The following CDC42EP4 variants were observed in gnomAD, a reference collection of about 807,000 sequenced individuals.
CDC42EP4 encodes CDC42 effector protein 4.
CDC42EP4 carries 6 observed loss-of-function variants against 5.6 expected under a neutral mutation model. The observed-to-expected ratio is 1.07, with a 90% CI of 0.59 to 2.12. The LOEUF (loss-of-function observed/expected upper bound fraction) is 2.12, where lower values mean the gene tolerates loss of function less well. Ranked by LOEUF, CDC42EP4 falls within the 30% of genes most tolerant of loss-of-function variation. The pLI is 0.00. For synonymous variants in CDC42EP4, 230 were observed against 224.2 expected (o/e 1.03, Z -0.23); for missense variants, 490 against 508.6 (o/e 0.96, Z 0.35).
chr17:73,295,043 C>G (rs986396985), intron 1 of CDC42EP4, among the ~76,000 whole-genome samples: 3 of 152,116 alleles, frequency 2.0e-5, no homozygotes, highest in African/African-American at 7.2e-5. Context: ...AACTCCTGAC[C>G]TCAGGGGATC....
chr17:73,305,791 CAT>C (rs2062241873), intron 1 of CDC42EP4, among the ~76,000 whole-genome samples: 1 of 152,242 alleles, frequency 6.6e-6, no homozygotes. Flanking sequence ...TCGCAAACTT[CAT>C]AGAGAACAGC....
chr17:73,307,757 TCTC>T (rs1406531777), intron 1 of CDC42EP4, among the ~76,000 whole-genome samples: 3 of 111,938 alleles, frequency 2.7e-5, no homozygotes, highest in Admixed American at 2.0e-4. Flanking sequence ...CCTGAATTTC[TCTC>T]TTTTTTTTTT....
chr17:73,286,574 C>T lies in CDC42EP4; in HGVS notation c.-74G>A. On this transcript the variant is annotated 5_prime_UTR_variant, in exon 2 of 2. Coordinates refer to ENST00000335793, the MANE Select transcript of CDC42EP4 (RefSeq NM_012121.5). This position sits in a 1 kb window ranked among gnomAD's most constrained non-coding sequence, Gnocchi z 7.7. Reference sequence around the variant, plus strand: ...CTGGGGTCAGATCTGAAGTCCAAGTCCAGTGGGCAGAGGGGGACGCAATGA... The same window carrying T: ...CTGGGGTCAGATCTGAAGTCCAAGTTCAGTGGGCAGAGGGGGACGCAATGA... 8.8e-7 allele frequency: 1 copy of T among 1,133,814 alleles called. No homozygotes were observed. Among genetic ancestry groups the T allele is most frequent in the Non-Finnish European group, 1.2e-6 (1 of 806,728 alleles). 70.2% of individuals were successfully genotyped at this position (1,133,814 alleles called of 1,614,324 possible). A position where few individuals can be genotyped will look rare whatever the true frequency, so the allele number is the denominator to read the frequency against.
At chr17:73,309,489 G>T (rs1231749067) in intron 1 of CDC42EP4, among the ~76,000 whole-genome samples, 1 of 152,120 alleles carries the variant, frequency 6.6e-6, no homozygotes, top group Non-Finnish European at 1.5e-5. Flanking sequence ...CTGGTTCTGT[G>T]AGGTGCTGTC....
In CDC42EP4 at chr17:73,285,284, C is replaced by T; in HGVS notation, c.*146G>A. 1.6e-6 allele frequency: 1 copy of T among 640,958 alleles called. No homozygotes were observed. The highest frequency in any genetic ancestry group is 2.5e-5 in the South Asian group (1 of 40,600). The allele number at this position is 640,958 out of a possible 1,614,324, so 39.7% of individuals were successfully genotyped here. A position where few individuals can be genotyped will look rare whatever the true frequency, so the allele number is the denominator to read the frequency against. Reference sequence around the variant, plus strand: ...TCCTCCGAAGACCCGAGGGCCAGGCCAGTGTCCCTCATCTACAAGGTCCAG... The same window carrying T: ...TCCTCCGAAGACCCGAGGGCCAGGCTAGTGTCCCTCATCTACAAGGTCCAG... On this transcript the variant is annotated 3_prime_UTR_variant, in exon 2 of 2. Transcript: ENST00000335793. The surrounding 1 kb of genome is among the most constrained non-coding windows in gnomAD (Gnocchi z 6.8).
chr17:73,304,751 A>G (rs2062236669), intron 1 of CDC42EP4, among the ~76,000 whole-genome samples: 1 of 152,168 alleles, frequency 6.6e-6, no homozygotes, highest in Non-Finnish European at 1.5e-5. Flanking sequence ...GCATGAGTAC[A>G]CACAGGATAC....
At chr17:73,300,666 G>A (rs2062214280) in intron 1 of CDC42EP4, among the ~76,000 whole-genome samples, 1 of 152,126 alleles carries the variant, frequency 6.6e-6, no homozygotes, top group African/African-American at 2.4e-5. Context: ...TACACTACAA[G>A]CCCAGACTTC....
At chr17:73,288,636 C>T (rs2062145517) in intron 1 of CDC42EP4, among the ~76,000 whole-genome samples, 1 of 152,002 alleles carries the variant, frequency 6.6e-6, no homozygotes, top group Admixed American at 6.6e-5. Context: ...CATGGTCCGC[C>T]TCCAACCGCC....
chr17:73,289,188 C>CT (rs1354555413), intron 1 of CDC42EP4, among the ~76,000 whole-genome samples: 1 of 152,172 alleles, frequency 6.6e-6, no homozygotes, highest in East Asian at 1.9e-4. Context: ...AGCTACTCAA[C>CT]TGTCTTCTTA....
At chr17:73,300,226 C>G (rs1400096827) in intron 1 of CDC42EP4, among the ~76,000 whole-genome samples, 1 of 152,174 alleles carries the variant, frequency 6.6e-6, no homozygotes, top group Non-Finnish European at 1.5e-5. Context: ...TGAACATCCT[C>G]TACTTTGATG....
At chr17:73,290,059 G>A (rs1397186702) in intron 1 of CDC42EP4, among the ~76,000 whole-genome samples, 4 of 152,184 alleles carry the variant, frequency 2.6e-5, no homozygotes, top group Non-Finnish European at 2.9e-5. Flanking sequence ...AGTCAGGAAC[G>A]GAGGGGACCC....
intron 1 of CDC42EP4, among the ~76,000 whole-genome samples, chr17:73,300,725 A>G (rs995943460): frequency 4.6e-5 from 7 of 152,172 alleles, no homozygotes; most frequent in Admixed American, 2.6e-4. Context: ...CACTCCTTAT[A>G]TTTATACACA....
intron 1 of CDC42EP4, among the ~76,000 whole-genome samples, chr17:73,306,427 G>A (rs2145328528): frequency 6.6e-6 from 1 of 152,194 alleles, no homozygotes; most frequent in South Asian, 2.1e-4. Context: ...TTGAGCCCAG[G>A]AGTTTGAGGC....
chr17:73,302,393 C>A (rs556299224), intron 1 of CDC42EP4, among the ~76,000 whole-genome samples: 72 of 152,334 alleles, frequency 4.7e-4, no homozygotes, highest in African/African-American at 1.7e-3. Flanking sequence ...ATATCCTAAA[C>A]CTCCGGCATC....
intron 1 of CDC42EP4, among the ~76,000 whole-genome samples, chr17:73,294,653 G>A (rs1344644629): frequency 6.6e-6 from 1 of 151,896 alleles, no homozygotes; most frequent in Non-Finnish European, 1.5e-5. Flanking sequence ...ATACATATAT[G>A]TGTATATATC....
At chr17:73,294,965 C>A (rs1193112358) in intron 1 of CDC42EP4, among the ~76,000 whole-genome samples, 1 of 149,938 alleles carries the variant, frequency 6.7e-6, no homozygotes, top group Non-Finnish European at 1.5e-5. Flanking sequence ...CCTGCTACCA[C>A]ACCCGGCTAA....
chr17:73,303,038 C>T (rs1315149432), intron 1 of CDC42EP4, among the ~76,000 whole-genome samples: 1 of 64,104 alleles, frequency 1.6e-5, no homozygotes, highest in Admixed American at 2.1e-4. Context: ...CATCAGACTC[C>T]GTCTCAAAAA....
intron 1 of CDC42EP4, among the ~76,000 whole-genome samples, chr17:73,305,722 T>A (rs1034200296): frequency 2.6e-5 from 4 of 152,290 alleles, no homozygotes; most frequent in African/African-American, 9.6e-5. Context: ...TGAGCACAGT[T>A]CCATGTGTGC....
At chr17:73,299,680 A>G (rs1425435762) in intron 1 of CDC42EP4, among the ~76,000 whole-genome samples, 1 of 152,028 alleles carries the variant, frequency 6.6e-6, no homozygotes, top group East Asian at 1.9e-4. Context: ...TTTCCATATG[A>G]GGTGATGCTG....
Sources: allele counts gnomAD v4.1 joint callset (sites outside exome capture counted in the v4.1 genomes callset), GRCh38; gene constraint gnomAD v4.1.1; non-coding constraint Gnocchi (gnomAD v3.1); transcripts MANE v1.5; gene names NCBI Gene and HGNC (gene_info 2026-07-23, HGNC 2026-07-21).